The following REXO5 variants were observed in gnomAD, a reference collection of about 807,000 sequenced individuals.
REXO5 encodes the protein exonuclease NEF-sp.
REXO5 carries 48 observed loss-of-function variants against 88.5 expected under a neutral mutation model. The ratio of observed to expected loss-of-function variants is 0.54; its 90% CI spans 0.43 to 0.69. The LOEUF is 0.69. Among genes scored for constraint, REXO5 ranks in the 30% least tolerant of loss-of-function variants. REXO5 has a pLI of 0.00. For missense variants in REXO5, 749 were observed against 912.2 expected, an observed-to-expected ratio of 0.82 and a Z score of 2.30; for synonymous variants, 311 against 336.5, an observed-to-expected ratio of 0.92 and a Z score of 0.83.
chr16:20,846,863 T>C (rs951721092), intron 19 of REXO5, among the ~76,000 whole-genome samples: 13 of 152,240 alleles, frequency 8.5e-5, no homozygotes, highest in Non-Finnish European at 1.9e-4. Flanking sequence ...TTCCCCACTG[T>C]AGGTCTCAAT....
intron 7 of REXO5, among the ~76,000 whole-genome samples, chr16:20,824,992 A>G (rs778720043): frequency 6.6e-6 from 1 of 151,930 alleles, no homozygotes; most frequent in Non-Finnish European, 1.5e-5. Flanking sequence ...CTGGCGACAG[A>G]GTGAGACTCG....
Position 20,827,152 on chromosome 16 carries a change from G to T in REXO5, c.916G>T (p.Val306Leu). The change falls in exon 9 of 20, where the codon GTG (valine) becomes TTG (leucine). Residue 306 changes from valine (V) to leucine (L), a missense_variant. Transcript: ENST00000261377. ...AAAAGCACTGCTTCCTCCTGATGCTGTGTTAGTGGGCCACTCCTTAGATTT... is the reference window on the plus strand; with the variant it reads ...AAAAGCACTGCTTCCTCCTGATGCTTTGTTAGTGGGCCACTCCTTAGATTT... ...QLKALLPPDAVLVGHSLDLDL... is the reference protein window; with the variant it reads ...QLKALLPPDALLVGHSLDLDL... 1 of 1,614,134 alleles carries T rather than the reference G, an allele frequency of 6.2e-7. No individual in the cohort carries two copies. Among genetic ancestry groups the T allele is most frequent in the Non-Finnish European group, 8.5e-7 (1 of 1,180,020 alleles).
intron 18 of REXO5, among the ~76,000 whole-genome samples, chr16:20,845,877 G>A (rs1641578984): frequency 6.6e-6 from 1 of 152,160 alleles, no homozygotes; most frequent in South Asian, 2.1e-4. Flanking sequence ...AGGGGCTAGA[G>A]TTGGTAAGTC....
intron 11 of REXO5, among the ~76,000 whole-genome samples, chr16:20,828,868 G>A (rs551563891): frequency 2.2e-4 from 34 of 151,726 alleles, no homozygotes; most frequent in Non-Finnish European, 4.4e-4. Flanking sequence ...CAGAGGTTGC[G>A]GGGAGGCAGA....
At chr16:20,820,176 T>G (rs1246129091) in intron 5 of REXO5, among the ~76,000 whole-genome samples, 1 of 152,176 alleles carries the variant, frequency 6.6e-6, no homozygotes, top group African/African-American at 2.4e-5. Flanking sequence ...GGACGAAAGT[T>G]AATTATGCTC....
intron 19 of REXO5, among the ~76,000 whole-genome samples, chr16:20,848,168 CT>C (rs1438938516): frequency 2.0e-5 from 3 of 152,272 alleles, no homozygotes; most frequent in Admixed American, 2.0e-4. Flanking sequence ...TGGAAGCTTG[CT>C]GTGTGACTGA....
chr16:20,813,717 G>C (rs2081038324), intron 3 of REXO5, among the ~76,000 whole-genome samples: 1 of 152,098 alleles, frequency 6.6e-6, no homozygotes, highest in Non-Finnish European at 1.5e-5. Flanking sequence ...AAATAACAAT[G>C]ATCTGTGAAG....
intron 1 of REXO5, 115 bp downstream of exon 1, chr16:20,806,820 A>T: frequency 1.5e-6 from 2 of 1,355,730 alleles, no homozygotes; most frequent in Non-Finnish European, 2.0e-6. Context: ...ATAGTTCGGT[A>T]AACTGAATTG....
chr16:20,813,446 G>A, intron 3 of REXO5, 144 bp downstream of exon 3: 3 of 539,730 alleles, frequency 5.6e-6, no homozygotes, highest in South Asian at 2.6e-5. Flanking sequence ...AGCATGTCCT[G>A]AATTTTTTAT....
intron 10 of REXO5, 38 bp from the exon 11 acceptor site, chr16:20,828,397 A>G: frequency 7.9e-7 from 1 of 1,272,796 alleles, no homozygotes; most frequent in Non-Finnish European, 1.2e-6. Flanking sequence ...TATCATTAAA[A>G]GTGCTTCCAG....
chr16:20,844,045 GC>G lies in REXO5; in HGVS notation c.1719+24del, dbSNP rs766739104. Reference sequence around the variant, plus strand: ...CATCAAGGTAGGGTGACAAGAGAAAGCCCCCTTTGCTTGGGTCTGGCCTACC... The same window carrying G: ...CATCAAGGTAGGGTGACAAGAGAAAGCCCCTTTGCTTGGGTCTGGCCTACC... On this transcript the variant is annotated intron_variant, in intron 16 of 19. Coordinates refer to ENST00000261377, the MANE Select transcript of REXO5 (RefSeq NM_030941.3). 11 of 1,489,824 alleles carry G rather than the reference GC, an allele frequency of 7.4e-6. No individual in the cohort carries two copies. The African/African-American group carries it at 1.5e-4, about 20-fold the overall frequency. The allele number at this position is 1,489,824 out of a possible 1,614,324, so 92.3% of individuals were successfully genotyped here.
chr16:20,812,506 CAG>C (rs1014863763), intron 2 of REXO5, among the ~76,000 whole-genome samples: 1 of 152,114 alleles, frequency 6.6e-6, no homozygotes, highest in Non-Finnish European at 1.5e-5. Flanking sequence ...TCCTGGGTGA[CAG>C]AGTGAGACTC....
chr16:20,827,930 C>G (rs2081283410), intron 10 of REXO5, among the ~76,000 whole-genome samples: 1 of 152,026 alleles, frequency 6.6e-6, no homozygotes, highest in Non-Finnish European at 1.5e-5. Context: ...TAAGACACTC[C>G]TGAGAATAAG....
chr16:20,846,464 T>G lies in REXO5; in HGVS notation c.2243+125T>G. The G allele has an allele frequency of 4.6e-6, 3 of 650,804 alleles. 1 individual carries two copies. In the South Asian group the frequency reaches 5.7e-5, roughly 12 times the overall value. The allele number at this position is 650,804 out of a possible 1,614,324, so 40.3% of individuals were successfully genotyped here. A position where few individuals can be genotyped will look rare whatever the true frequency, so the allele number is the denominator to read the frequency against. ...ACTTACATGAATCATCTCTTTAATT[T>G]TCACCGTTCTAAAAGATAGGCATTG... is the stretch of plus-strand genomic sequence containing the variant. On this transcript the variant is annotated intron_variant, in intron 19 of 19. Transcript: ENST00000261377.
chr16:20,848,494 T>C (rs1468653478), intron 19 of REXO5, among the ~76,000 whole-genome samples: 1 of 152,198 alleles, frequency 6.6e-6, no homozygotes, highest in Non-Finnish European at 1.5e-5. Flanking sequence ...AGTAAGTGCA[T>C]AGTCAGGACT....
intron 11 of REXO5, among the ~76,000 whole-genome samples, chr16:20,830,034 T>A (rs1270024796): frequency 6.6e-6 from 1 of 152,238 alleles, no homozygotes; most frequent in African/African-American, 2.4e-5. Flanking sequence ...AAAAAATATG[T>A]ATTGGTGTCT....
intron 13 of REXO5, 75 bp downstream of exon 13, chr16:20,833,198 GT>G: frequency 6.9e-7 from 1 of 1,456,504 alleles, no homozygotes; most frequent in Non-Finnish European, 9.2e-7. Context: ...CCATGCCAGT[GT>G]CAAGCTTTTT....
chr16:20,843,816 A>G, intron 15 of REXO5, 118 bp from the exon 16 acceptor site: 1 of 634,344 alleles, frequency 1.6e-6, no homozygotes, highest in Non-Finnish European at 2.8e-6. Context: ...GTAGCCCAGC[A>G]CAGTAAAGGC....
rs1253894712 is a variant in REXO5 at position 20,846,216 on chromosome 16, C to T, written c.2125-5C>T. 1.9e-6 allele frequency: 3 copies of T among 1,612,110 alleles called. No homozygotes were observed. In the South Asian group the frequency reaches 3.3e-5, roughly 18 times the overall value. On this transcript the variant is annotated splice_polypyrimidine_tract_variant and splice_region_variant and intron_variant, in intron 18 of 19. Transcript: ENST00000261377. ...CTGAGTATCGACACATGGCTTTGATCCCAGACTCTGAAACTGGACCACCCG... is the reference window on the plus strand; with the variant it reads ...CTGAGTATCGACACATGGCTTTGATTCCAGACTCTGAAACTGGACCACCCG...
Sources: allele counts gnomAD v4.1 joint callset (sites outside exome capture counted in the v4.1 genomes callset), GRCh38; gene constraint gnomAD v4.1.1; transcripts MANE v1.5; gene names NCBI Gene and HGNC (gene_info 2026-07-23, HGNC 2026-07-21).